Variants in SLC24A2 observed in about 807,000 individuals in gnomAD.
SLC24A2 encodes the protein sodium/potassium/calcium exchanger 2.
Under a neutral mutation model 62.0 loss-of-function variants are expected in SLC24A2, and 36 were observed. The observed-to-expected ratio is 0.58, with a 90% CI of 0.44 to 0.77. The LOEUF (loss-of-function observed/expected upper bound fraction) is 0.77. Among genes scored for constraint, SLC24A2 ranks in the 30% least tolerant of loss-of-function variants. SLC24A2 has a pLI of 0.00. For missense variants in SLC24A2, 846 were observed against 817.9 expected, an observed-to-expected ratio of 1.03 and a Z score of -0.42; for synonymous variants, 358 against 294.0, an observed-to-expected ratio of 1.22 and a Z score of -2.23.
chr9:19,854,989 T>C, the SLC24A2 span, among the ~76,000 whole-genome samples: 1 of 152,222 alleles, frequency 6.6e-6, no homozygotes, highest in Non-Finnish European at 1.5e-5. Flanking sequence ...TTGGTGTATA[T>C]ATATTTAGGA....
chr9:19,978,564 A>C, the SLC24A2 span, among the ~76,000 whole-genome samples: 1 of 152,136 alleles, frequency 6.6e-6, no homozygotes, highest in African/African-American at 2.4e-5. Context: ...CATGTTTCCT[A>C]AGAAAAATTC....
chr9:19,632,183 C>G lies in SLC24A2; in HGVS notation c.931-9884G>C, dbSNP rs139822033. Among the ~76,000 whole-genome samples, 22 of 152,232 alleles carry G rather than the reference C, an allele frequency of 1.4e-4. No homozygotes were observed. In the East Asian group the frequency reaches 3.7e-3, roughly 25 times the overall value. ...AGTCAAATTAAGATTCAAACTTATC[C>G]TCAACATCTCAGCTCACTCCCTGCA... On this transcript the variant is annotated intron_variant, in intron 2 of 10. Coordinates refer to ENST00000341998, the MANE Select transcript of SLC24A2 (RefSeq NM_020344.4). The surrounding 1 kb of genome is among the most constrained non-coding windows in gnomAD (Gnocchi z 4.5).
chr9:19,795,715 C>T, the SLC24A2 span, among the ~76,000 whole-genome samples: 1 of 152,118 alleles, frequency 6.6e-6, no homozygotes, highest in African/African-American at 2.4e-5. Flanking sequence ...ATTCTCCCCC[C>T]TCCCTCTCTG....
the SLC24A2 span, among the ~76,000 whole-genome samples, chr9:20,129,572 C>T: frequency 6.6e-6 from 1 of 151,944 alleles, no homozygotes; most frequent in Non-Finnish European, 1.5e-5. Context: ...ATGGTATATC[C>T]ACATAATTGA....
At chr9:19,859,131 T>C in the SLC24A2 span, among the ~76,000 whole-genome samples, 2 of 151,884 alleles carry the variant, frequency 1.3e-5, no homozygotes, top group African/African-American at 4.8e-5. Context: ...ATAAAGAAAA[T>C]GTGGTACATA....
the SLC24A2 span, among the ~76,000 whole-genome samples, chr9:19,877,759 T>G: frequency 6.6e-6 from 1 of 152,094 alleles, no homozygotes; most frequent in African/African-American, 2.4e-5. Context: ...GAATGGATAT[T>G]TGGATTCTTG....
chr9:19,861,554 C>G, the SLC24A2 span, among the ~76,000 whole-genome samples: 1 of 152,044 alleles, frequency 6.6e-6, no homozygotes, highest in Admixed American at 6.6e-5. Context: ...CAAAGATGAT[C>G]CAGGAAAACA....
At chr9:19,895,150 CA>C in the SLC24A2 span, among the ~76,000 whole-genome samples, 1 of 152,144 alleles carries the variant, frequency 6.6e-6, no homozygotes, top group African/African-American at 2.4e-5. Flanking sequence ...AAACAACCAG[CA>C]CTAAATGACT....
chr9:19,689,918 G>T (rs1819994115), intron 2 of SLC24A2, among the ~76,000 whole-genome samples: 1 of 152,130 alleles, frequency 6.6e-6, no homozygotes. Context: ...CCTCTCCAAT[G>T]TGGGTATGCA....
chr9:19,873,898 C>G, the SLC24A2 span, among the ~76,000 whole-genome samples: 1 of 152,052 alleles, frequency 6.6e-6, no homozygotes, highest in Non-Finnish European at 1.5e-5. Context: ...TTTCTAAAAA[C>G]AACACTTATT....
At chr9:19,642,586 G>A (rs981309364) in intron 2 of SLC24A2, among the ~76,000 whole-genome samples, 1 of 151,514 alleles carries the variant, frequency 6.6e-6, no homozygotes, top group Non-Finnish European at 1.5e-5. Flanking sequence ...TACAGGTCCT[G>A]CTTACATTGA....
chr9:19,581,876 T>C lies in SLC24A2; in HGVS notation c.1130-4854A>G, dbSNP rs527417407. ...GAGTGAAGGAGTTATTTTTAACATG[T>C]TTCAAGGCAACTTTAAAAAATATAC... is the stretch of plus-strand genomic sequence containing the variant. On this transcript the variant is annotated intron_variant, in intron 5 of 10. Coordinates refer to ENST00000341998, the MANE Select transcript of SLC24A2 (RefSeq NM_020344.4). Among the ~76,000 whole-genome samples the C allele has an allele frequency of 1.6e-4, 24 of 152,318 alleles. No individual in the cohort carries two copies. The East Asian group carries it at 3.7e-3, about 23-fold the overall frequency.
chr9:19,969,273 A>G, the SLC24A2 span, among the ~76,000 whole-genome samples: 1 of 145,366 alleles, frequency 6.9e-6, no homozygotes, highest in Admixed American at 7.0e-5. Flanking sequence ...TTCCTTTTTC[A>G]TCTCTTCTGT....
the SLC24A2 span, among the ~76,000 whole-genome samples, chr9:20,099,780 T>G: frequency 6.6e-6 from 1 of 152,296 alleles, no homozygotes; most frequent in African/African-American, 2.4e-5. Flanking sequence ...TCCATTTTAT[T>G]TTGTAGAAAA....
At chr9:20,185,010 C>T in the SLC24A2 span, among the ~76,000 whole-genome samples, 1 of 152,066 alleles carries the variant, frequency 6.6e-6, no homozygotes. Flanking sequence ...AACAAATACT[C>T]CATGATCTCA....
intron 2 of SLC24A2, among the ~76,000 whole-genome samples, chr9:19,697,283 GGGGTGCAGCGGGA>G (rs1161014660): frequency 6.6e-6 from 1 of 152,140 alleles, no homozygotes; most frequent in African/African-American, 2.4e-5. Context: ...GGGCCTGCCG[GGGGTGCAGCGGGA>G]GGGAGAGCAT....
chr9:20,157,696 C>G, the SLC24A2 span, among the ~76,000 whole-genome samples: 1 of 151,214 alleles, frequency 6.6e-6, no homozygotes, highest in South Asian at 2.1e-4. Context: ...ACAGAAAATA[C>G]AGTATTGGAG....
At chr9:20,228,125 C>T in the SLC24A2 span, among the ~76,000 whole-genome samples, 1 of 152,128 alleles carries the variant, frequency 6.6e-6, no homozygotes, top group African/African-American at 2.4e-5. Context: ...CCTTCACTTG[C>T]ATATTCCCAG....
intron 2 of SLC24A2, among the ~76,000 whole-genome samples, chr9:19,640,053 A>T (rs1022384541): frequency 2.0e-5 from 3 of 152,236 alleles, no homozygotes; most frequent in Non-Finnish European, 4.4e-5. Flanking sequence ...AAGAAATTAA[A>T]ACTGCCTGGT....
Sources: gnomAD v4.1 joint callset for allele counts (sites outside exome capture counted in the v4.1 genomes callset) on GRCh38, gnomAD v4.1.1 for gene constraint, Gnocchi (gnomAD v3.1) non-coding constraint, MANE v1.5 for transcripts, NCBI Gene and HGNC (gene_info 2026-07-23, HGNC 2026-07-21) for gene names.